Variants in C2CD3 observed in about 807,000 individuals in gnomAD.
C2CD3 encodes C2 domain containing 3 centriole elongation regulator.
In C2CD3, 148 loss-of-function variants were observed where a neutral mutation model predicts 234.0. That is an observed-to-expected ratio of 0.63 (90% CI 0.55 to 0.72). The LOEUF (loss-of-function observed/expected upper bound fraction) is 0.72, where lower values mean the gene tolerates loss of function less well. Among genes scored for constraint, C2CD3 ranks in the 30% least tolerant of loss-of-function variants. C2CD3 has a pLI of 0.00. For synonymous variants in C2CD3, 1,000 were observed against 1,035.4 expected, an observed-to-expected ratio of 0.97 and a Z score of 0.66; for missense variants, 2,577 against 2,811.5, an observed-to-expected ratio of 0.92 and a Z score of 1.89.
rs543715540 is a variant in C2CD3 at position 74,013,125 on chromosome 11, C to T, written c.*260G>A. ...GATGCCTGCTTGGGTCCCACTTGGGCGCGGATTCCATTTTATTTCTAGCCT... is the reference window on the plus strand; with the variant it reads ...GATGCCTGCTTGGGTCCCACTTGGGTGCGGATTCCATTTTATTTCTAGCCT... On this transcript the variant is annotated 3_prime_UTR_variant, in exon 33 of 33. Coordinates refer to ENST00000334126, the MANE Select transcript of C2CD3 (RefSeq NM_001286577.2). The T allele has an allele frequency of 5.4e-4, 131 of 240,922 alleles. No homozygotes were observed. The highest frequency in any genetic ancestry group is 2.4e-3 in the African/African-American group (108 of 44,768). The allele number at this position is 240,922 out of a possible 1,614,324, so 14.9% of individuals were successfully genotyped here. A position where few individuals can be genotyped will look rare whatever the true frequency, so the allele number is the denominator to read the frequency against.
chr11:74,157,804 A>C (rs1856137972), intron 3 of C2CD3, among the ~76,000 whole-genome samples: 1 of 152,168 alleles, frequency 6.6e-6, no homozygotes, highest in African/African-American at 2.4e-5. Flanking sequence ...GGACCATTCT[A>C]TGTTCTTTCC....
chr11:74,102,263 T>C (rs1364943843), intron 14 of C2CD3, among the ~76,000 whole-genome samples: 1 of 152,208 alleles, frequency 6.6e-6, no homozygotes, highest in Admixed American at 6.5e-5. Flanking sequence ...AGTGATAAAT[T>C]CAGATTTGAA....
chr11:74,094,269 G>T (rs1299283341), intron 17 of C2CD3, among the ~76,000 whole-genome samples: 2 of 147,370 alleles, frequency 1.4e-5, no homozygotes, highest in African/African-American at 5.0e-5. Context: ...GTTTTGATTT[G>T]CATTTCCCAA....
At position 74,037,590 on chromosome 11, in the gene C2CD3, C is replaced by T. The variant is rs138133596; in HGVS notation, c.5769G>A (p.Gln1923=). 14 of 1,613,890 alleles carry T rather than the reference C, an allele frequency of 8.7e-6. No individual in the cohort carries two copies. Among genetic ancestry groups the T allele is most frequent in the African/African-American group, 8.0e-5 (6 of 74,898 alleles). Residue 1923 remains glutamine, a synonymous_variant, in exon 30 of 33, where the codon CAG becomes CAA. Coordinates refer to ENST00000334126, the MANE Select transcript of C2CD3 (RefSeq NM_001286577.2). ...PQTQTAISQH[Q]ESCRDHLGPG... ...GCCCAAGATGGTCCCTACAGCTCTC[C>T]TGGTGCTGTGAGATGGCCGTTTGAG... is the stretch of plus-strand genomic sequence containing the variant.
chr11:74,067,763 C>T (rs1172430811), intron 24 of C2CD3, among the ~76,000 whole-genome samples: 1 of 152,148 alleles, frequency 6.6e-6, no homozygotes, highest in Non-Finnish European at 1.5e-5. Flanking sequence ...ACTTTTATTG[C>T]ATTGTACTCC....
At chr11:74,080,864 C>T (rs755075945) in intron 22 of C2CD3, among the ~76,000 whole-genome samples, 1 of 152,014 alleles carries the variant, frequency 6.6e-6, no homozygotes, top group African/African-American at 2.4e-5. Context: ...CTTACTATTT[C>T]CATTACAGAT....
chr11:74,161,905 T>C (rs1399520659), intron 2 of C2CD3, among the ~76,000 whole-genome samples: 1 of 146,876 alleles, frequency 6.8e-6, no homozygotes, highest in Non-Finnish European at 1.5e-5. Flanking sequence ...AACCTCGAAC[T>C]CCAGGACTCA....
Position 74,078,447 on chromosome 11 carries a change from G to A in C2CD3, c.4271C>T (p.Ala1424Val). 1.9e-6 allele frequency: 3 copies of A among 1,614,220 alleles called. No individual in the cohort carries two copies. The highest frequency in any genetic ancestry group is 2.5e-6 in the Non-Finnish European group (3 of 1,180,046). ...LWLPIHCVLLAGHNHIHKNTY... is the reference protein window; with the variant it reads ...LWLPIHCVLLVGHNHIHKNTY... ...ATTCTTATGAATGTGGTTGTGGCCAGCAAGCAGCACACAATGGATGGGCAG... is the reference window on the plus strand; with the variant it reads ...ATTCTTATGAATGTGGTTGTGGCCAACAAGCAGCACACAATGGATGGGCAG... The change falls in exon 23 of 33, where the codon GCT (alanine) becomes GTT (valine). Residue 1424 changes from alanine (A) to valine (V), a missense_variant. Physicochemically the swap from Ala to Val is moderately conservative, Grantham distance 64 (BLOSUM62 0). Coordinates refer to ENST00000334126, the MANE Select transcript of C2CD3 (RefSeq NM_001286577.2).
rs1956519880 is a variant in C2CD3, at chr11:74,106,384, A to G, written c.2072T>C (p.Phe691Ser). The change falls in exon 13 of 33, where the codon TTT becomes TCT. Residue 691 changes from phenylalanine (F) to serine (S), a missense_variant. By Grantham distance (155) the Phe-to-Ser change is radical. Coordinates refer to ENST00000334126, the MANE Select transcript of C2CD3 (RefSeq NM_001286577.2). The part of the protein sequence containing the change: ...PVQQENGQSP[F>S]GPLKVTMELI... ...ATATCTACATACCTTGAGGGGGCCA[A>G]ATGGAGACTGACCATTTTCTTGTTG... is the stretch of plus-strand genomic sequence containing the variant. The G allele has an allele frequency of 4.3e-6, 7 of 1,614,054 alleles. No individual in the cohort carries two copies. Among genetic ancestry groups the G allele is most frequent in the Non-Finnish European group, 5.9e-6 (7 of 1,180,012 alleles).
intron 27 of C2CD3, among the ~76,000 whole-genome samples, 180 bp downstream of exon 27, chr11:74,049,157 A>G (rs891376463): frequency 6.6e-6 from 1 of 152,236 alleles, no homozygotes; most frequent in Non-Finnish European, 1.5e-5. Context: ...AAGTTGTGCA[A>G]CCATCACTAC....
intron 7 of C2CD3, 66 bp downstream of exon 7, chr11:74,132,778 A>C: frequency 6.8e-7 from 1 of 1,477,948 alleles, no homozygotes; most frequent in Non-Finnish European, 9.3e-7. Flanking sequence ...GATGAATCTG[A>C]TAACAATGCA....
intron 26 of C2CD3, among the ~76,000 whole-genome samples, chr11:74,052,994 T>C (rs566063492): frequency 1.4e-4 from 22 of 152,206 alleles, no homozygotes; most frequent in Admixed American, 6.5e-4. Flanking sequence ...AGAGGAGAGA[T>C]TTAGTGAGAT....
In C2CD3 at chr11:74,074,647, A is replaced by G. The variant is rs1375203702; in HGVS notation, c.4604-47T>C. 4 of 1,479,772 alleles carry G rather than the reference A, an allele frequency of 2.7e-6. No homozygotes were observed. In the South Asian group the frequency reaches 5.1e-5, roughly 19 times the overall value. The allele number at this position is 1,479,772 out of a possible 1,614,324, so 91.7% of individuals were successfully genotyped here. ...TAAGGCTAGTCAAGCAGGAACCAAG[A>G]CCAAGCTTGGAGGAAATACTCACTG... On this transcript the variant is annotated intron_variant, in intron 23 of 32. Coordinates refer to ENST00000334126, the MANE Select transcript of C2CD3 (RefSeq NM_001286577.2).
intron 14 of C2CD3, 101 bp from the exon 15 acceptor site, chr11:74,100,777 A>G: frequency 1.0e-6 from 1 of 982,764 alleles, no homozygotes; most frequent in South Asian, 1.7e-5. Flanking sequence ...GCCTATTGTT[A>G]ACACACAGTG....
intron 28 of C2CD3, among the ~76,000 whole-genome samples, chr11:74,043,759 A>T (rs1953203277): frequency 6.6e-6 from 1 of 151,860 alleles, no homozygotes; most frequent in African/African-American, 2.4e-5. Context: ...TTTTTGAAGA[A>T]ATGTCTATTC....
At chr11:74,111,965 CACACATAT>C (rs1343135340) in intron 11 of C2CD3, among the ~76,000 whole-genome samples, 23 of 86,202 alleles carry the variant, frequency 2.7e-4, no homozygotes, top group African/African-American at 9.7e-4. Flanking sequence ...CACACACACA[CACACATAT>C]ATATATACAC....
chr11:74,069,896 C>G (rs183261300), intron 24 of C2CD3, among the ~76,000 whole-genome samples: 1 of 152,168 alleles, frequency 6.6e-6, no homozygotes, highest in Non-Finnish European at 1.5e-5. Flanking sequence ...CAAGGTGAGT[C>G]AGATTTGATT....
At chr11:74,103,656 A>G in intron 13 of C2CD3, 31 bp from the exon 14 acceptor site, 3 of 1,567,774 alleles carry the variant, frequency 1.9e-6, no homozygotes, top group Non-Finnish European at 2.6e-6. Context: ...AGAGTCAATA[A>G]GAATGTCCTT....
Position 74,138,912 on chromosome 11 carries a change from AG to A in C2CD3, c.762del (p.Phe255LeufsTer13). The A allele has an allele frequency of 6.2e-7, 1 of 1,612,954 alleles. No homozygotes were observed. The highest frequency in any genetic ancestry group is 8.5e-7 in the Non-Finnish European group (1 of 1,178,944). ...GAATTAAGACTGTGCTGTAGTCCAA[AG>A]GAAGAATCCTTTATTGTATCAGGGT... ...AENPDTIKDS[S>X]FGLQHSLNSG... On this transcript the variant is annotated frameshift_variant, in exon 5 of 33. Transcript: ENST00000334126. LOFTEE classifies it high-confidence loss of function.
Sources: allele counts gnomAD v4.1 joint callset (sites outside exome capture counted in the v4.1 genomes callset), GRCh38; gene constraint gnomAD v4.1.1; transcripts MANE v1.5; gene names NCBI Gene and HGNC (gene_info 2026-07-23, HGNC 2026-07-21).